Variants in ENPP6 observed in about 807,000 individuals in gnomAD.
The protein encoded by ENPP6 is glycerophosphocholine cholinephosphodiesterase ENPP6.
In ENPP6, 32 loss-of-function variants were observed where a neutral mutation model predicts 42.0. The ratio of observed to expected loss-of-function variants is 0.76; its 90% CI spans 0.58 to 1.02. The LOEUF is 1.02. Ranked by LOEUF, ENPP6 falls within the 50% of genes least tolerant of loss-of-function variation. The pLI, the probability that ENPP6 is intolerant of heterozygous loss-of-function variation, is 0.00. For synonymous variants in ENPP6, 213 were observed against 216.0 expected (o/e 0.99, Z 0.12); for missense variants, 552 against 566.8 (o/e 0.97, Z 0.27).
In ENPP6 at chr4:184,112,687, G is replaced by A. The variant is rs1219949374; in HGVS notation, c.978C>T (p.Gly326=). 1 of 1,613,986 alleles carries A rather than the reference G, an allele frequency of 6.2e-7. No individual in the cohort carries two copies. The highest frequency in any genetic ancestry group is 1.7e-5 in the Admixed American group (1 of 59,996). ...VSPLTLVADE[G]WFITENREML... is the part of the protein sequence containing the mutation. The stretch of plus-strand genomic sequence containing the variant: ...TCATAATTACCTCAGTTATGAACCA[G>A]CCTTCATCAGCCACTAAAGTCAAAG... Residue 326 remains glycine, a synonymous_variant, in exon 6 of 8, where the codon GGC becomes GGT. Transcript: ENST00000296741.
chr4:184,091,250 C>T lies in ENPP6; in HGVS notation c.1250G>A (p.Arg417His), dbSNP rs28756320. The T allele has an allele frequency of 1.6e-5, 25 of 1,603,912 alleles. No individual in the cohort carries two copies. The highest frequency in any genetic ancestry group is 1.3e-4 in the Admixed American group (8 of 59,418). The change falls in exon 8 of 8, where the codon CGC (arginine) becomes CAC (histidine). Residue 417 changes from arginine (R) to histidine (H), a missense_variant. By Grantham distance (29) the Arg-to-His change is conservative. Coordinates refer to ENST00000296741, the MANE Select transcript of ENPP6 (RefSeq NM_153343.4). ...WSRVMCMLKG[R>H]ASTAPPVWPS... Reference sequence around the variant, plus strand: ...CCAGACAGGCGGGGCAGTGCTGGCGCGGCCCTTCAGCATGCACATCACCCT... The same window carrying T: ...CCAGACAGGCGGGGCAGTGCTGGCGTGGCCCTTCAGCATGCACATCACCCT...
intron 3 of ENPP6, among the ~76,000 whole-genome samples, chr4:184,118,614 C>T (rs1278185143): frequency 5.3e-5 from 8 of 152,162 alleles, no homozygotes; most frequent in East Asian, 1.9e-4. Context: ...AAGGATGATA[C>T]GTTGACATTT....
intron 6 of ENPP6, among the ~76,000 whole-genome samples, chr4:184,098,573 C>G (rs962459259): frequency 6.6e-6 from 1 of 152,178 alleles, no homozygotes; most frequent in Admixed American, 6.5e-5. Context: ...CCTTTGCTCC[C>G]CTTGTCCAGG....
rs1365537995 is a variant in ENPP6, at chr4:184,113,930, T to TCTTC, written c.856-1122_856-1121insGAAG. 4.2e-5 allele frequency among the ~76,000 whole-genome samples: 6 copies of TCTTC among 142,604 alleles called. 1 individual carries two copies. The South Asian group carries it at 6.7e-4, about 16-fold the overall frequency. The allele number at this position is 142,604 out of a possible 152,430, so 93.6% of individuals were successfully genotyped here. On this transcript the variant is annotated intron_variant, in intron 5 of 7. Coordinates refer to ENST00000296741, the MANE Select transcript of ENPP6 (RefSeq NM_153343.4). ...TTCTTTCTTTCTTTCTTTCTTTCTT[T>TCTTC]CTTTCTTTCTTTCTTTCTTTCTTTC...
intron 1 of ENPP6, among the ~76,000 whole-genome samples, chr4:184,197,826 T>C (rs1732827715): frequency 6.6e-6 from 1 of 152,072 alleles, no homozygotes; most frequent in African/African-American, 2.4e-5. Flanking sequence ...ATGTCATGGT[T>C]TGGGACAAGG....
At chr4:184,177,038 C>A (rs1489677085) in intron 1 of ENPP6, among the ~76,000 whole-genome samples, 1 of 152,232 alleles carries the variant, frequency 6.6e-6, no homozygotes, top group Non-Finnish European at 1.5e-5. Flanking sequence ...CCCACGCCAC[C>A]AGGGCCTTGG....
intron 1 of ENPP6, among the ~76,000 whole-genome samples, chr4:184,211,507 C>G (rs1016518076): frequency 6.6e-6 from 1 of 152,128 alleles, no homozygotes; most frequent in Non-Finnish European, 1.5e-5. Flanking sequence ...ATACATTCCT[C>G]GACACATACA....
rs1245215841 is a variant in ENPP6, at chr4:184,119,305, G to C, written c.534-1405C>G. Among the ~76,000 whole-genome samples the C allele has an allele frequency of 2.0e-5, 3 of 146,992 alleles. No individual in the cohort carries two copies. The Admixed American group carries it at 2.0e-4, about 10-fold the overall frequency. The stretch of plus-strand genomic sequence containing the variant: ...ATCACTCATCATTCTCCATCCTTCT[G>C]TTTCTTGGTGTGTGTGTGTGTGTGT... On this transcript the variant is annotated intron_variant, in intron 3 of 7. Transcript: ENST00000296741.
chr4:184,102,483 C>T lies in ENPP6; in HGVS notation c.994-5115G>A, dbSNP rs200012669. 1.6e-4 allele frequency among the ~76,000 whole-genome samples: 25 copies of T among 152,356 alleles called. No individual in the cohort carries two copies. The East Asian group carries it at 4.6e-3, about 28-fold the overall frequency. Reference sequence around the variant, plus strand: ...ATATATATTTCTTGCCCATTCCTTCCTATTTCTCTCCACCATATACAGGAG... The same window carrying T: ...ATATATATTTCTTGCCCATTCCTTCTTATTTCTCTCCACCATATACAGGAG... On this transcript the variant is annotated intron_variant, in intron 6 of 7. Transcript: ENST00000296741.
chr4:184,106,791 C>T (rs935948466), intron 6 of ENPP6, among the ~76,000 whole-genome samples: 4 of 152,170 alleles, frequency 2.6e-5, no homozygotes, highest in African/African-American at 9.7e-5. Flanking sequence ...GGCAAGGACT[C>T]CCAGTGGCTC....
intron 6 of ENPP6, among the ~76,000 whole-genome samples, chr4:184,108,546 A>G (rs1208767002): frequency 6.6e-6 from 1 of 152,252 alleles, no homozygotes; most frequent in East Asian, 1.9e-4. Flanking sequence ...TTAAGCCAAT[A>G]AAGAAAGAAT....
intron 1 of ENPP6, among the ~76,000 whole-genome samples, chr4:184,170,039 C>A (rs542516288): frequency 6.6e-6 from 1 of 152,290 alleles, no homozygotes; most frequent in East Asian, 1.9e-4. Context: ...TCACACCCAA[C>A]AAAATGAATA....
intron 2 of ENPP6, among the ~76,000 whole-genome samples, chr4:184,134,918 A>G (rs1008446186): frequency 2.7e-5 from 4 of 150,518 alleles, no homozygotes; most frequent in African/African-American, 9.8e-5. Context: ...TTTTTACTAT[A>G]CCTCAGTTCA....
At chr4:184,148,907 T>C (rs1272227426) in intron 2 of ENPP6, among the ~76,000 whole-genome samples, 1 of 152,118 alleles carries the variant, frequency 6.6e-6, no homozygotes, top group Non-Finnish European at 1.5e-5. Context: ...AAAGTGTGAG[T>C]GTAGTGGATG....
At chr4:184,181,097 A>G (rs191651386) in intron 1 of ENPP6, among the ~76,000 whole-genome samples, 2 of 152,324 alleles carry the variant, frequency 1.3e-5, no homozygotes, top group East Asian at 3.9e-4. Context: ...ACATGATCCT[A>G]TATCTAGAAA....
chr4:184,097,000 C>T (rs1206570954), intron 7 of ENPP6, among the ~76,000 whole-genome samples: 4 of 152,208 alleles, frequency 2.6e-5, no homozygotes, highest in African/African-American at 9.6e-5. Flanking sequence ...AATACATTTT[C>T]TTCACTGCAC....
At chr4:184,189,591 C>T (rs779823393) in intron 1 of ENPP6, among the ~76,000 whole-genome samples, 1 of 152,164 alleles carries the variant, frequency 6.6e-6, no homozygotes, top group Non-Finnish European at 1.5e-5. Flanking sequence ...TTTCCACGGA[C>T]AAAGTCAGGA....
intron 2 of ENPP6, among the ~76,000 whole-genome samples, chr4:184,134,396 T>G (rs1236068267): frequency 2.0e-5 from 3 of 152,182 alleles, no homozygotes; most frequent in African/African-American, 7.2e-5. Context: ...TAGGAATGGT[T>G]TTTAAAGACT....
chr4:184,117,099 T>G (rs1282812892), intron 4 of ENPP6, 64 bp from the exon 5 acceptor site: 3 of 1,570,754 alleles, frequency 1.9e-6, no homozygotes, highest in Admixed American at 3.4e-5. Context: ...TCAGAAAACC[T>G]TGTCAACTAC....
Sources: gnomAD v4.1 joint callset for allele counts (sites outside exome capture counted in the v4.1 genomes callset) on GRCh38, gnomAD v4.1.1 for gene constraint, MANE v1.5 for transcripts, NCBI Gene and HGNC (gene_info 2026-07-23, HGNC 2026-07-21) for gene names.